The following PSMD4 variants were observed in gnomAD, a reference collection of about 807,000 sequenced individuals.
PSMD4 encodes 26S proteasome non-ATPase regulatory subunit 4.
A neutral mutation model predicts 39.7 loss-of-function variants in PSMD4; 5 were observed. That is an observed-to-expected ratio of 0.13 (90% CI 0.07 to 0.26). The LOEUF is 0.26. Among genes scored for constraint, PSMD4 ranks in the 10% least tolerant of loss-of-function variants. The pLI is 1.00. For missense variants in PSMD4, 272 were observed against 486.1 expected (o/e 0.56, Z 4.14); for synonymous variants, 143 against 174.6 (o/e 0.82, Z 1.43).
intron 1 of PSMD4, among the ~76,000 whole-genome samples, chr1:151,261,096 C>T (rs975696671): frequency 1.3e-5 from 2 of 151,918 alleles, no homozygotes; most frequent in African/African-American, 4.8e-5. Flanking sequence ...ATACACCCGC[C>T]TCCACCTCCC....
At chr1:151,262,024 C>A in intron 1 of PSMD4, 137 bp from the exon 2 acceptor site, 1 of 801,296 alleles carries the variant, frequency 1.2e-6, no homozygotes. Context: ...GCTTGATCAT[C>A]TGTATATTTA....
rs758465612 is a variant in PSMD4, at chr1:151,260,055, G to A, written c.27-2106G>A. Among the ~76,000 whole-genome samples the A allele has an allele frequency of 8.9e-4, 135 of 151,910 alleles. 1 individual carries two copies. Among genetic ancestry groups the A allele is most frequent in the African/African-American group, 1.2e-3 (49 of 41,360 alleles). On this transcript the variant is annotated intron_variant, in intron 1 of 9. Coordinates refer to ENST00000368884, the MANE Select transcript of PSMD4 (RefSeq NM_002810.4). ...CTCTACTAAAAATACAAAATTAGCC[G>A]GGTATGGTGGTTGCATGCCTGTTAT...
At chr1:151,265,352 G>A in intron 5 of PSMD4, 42 bp from the exon 6 acceptor site, 4 of 1,605,916 alleles carry the variant, frequency 2.5e-6, no homozygotes, top group African/African-American at 1.3e-5. Flanking sequence ...AGAACAGGGA[G>A]CAAGGCCTGA....
intron 1 of PSMD4, among the ~76,000 whole-genome samples, chr1:151,257,894 C>A (rs1023945057): frequency 6.6e-6 from 1 of 151,648 alleles, no homozygotes; most frequent in Non-Finnish European, 1.5e-5. Context: ...ATTGATTCTT[C>A]CTATTCATGA....
At chr1:151,263,328 G>A (rs896019726) in intron 2 of PSMD4, among the ~76,000 whole-genome samples, 2 of 152,062 alleles carry the variant, frequency 1.3e-5, no homozygotes, top group Admixed American at 6.5e-5. Flanking sequence ...GCCGGGCGTG[G>A]TGGTGTAGAT....
At chr1:151,260,498 C>T (rs187868933) in intron 1 of PSMD4, among the ~76,000 whole-genome samples, 4 of 152,192 alleles carry the variant, frequency 2.6e-5, no homozygotes, top group African/African-American at 9.6e-5. Context: ...GCTGTCAAAG[C>T]TGTTAAGCAT....
At chr1:151,266,463 C>G in intron 8 of PSMD4, 24 bp downstream of exon 8, 1 of 1,614,194 alleles carries the variant, frequency 6.2e-7, no homozygotes, top group Non-Finnish European at 8.5e-7. Flanking sequence ...TGGGTGGTGC[C>G]TAGGCAGAGG....
At position 151,267,348 on chromosome 1, in the gene PSMD4, G is replaced by T. The variant is rs753871087; in HGVS notation, c.*5G>T. ...AAGGAGGAAGACAAGAAGTGAGACT[G>T]GAGGGAAAGGGTAGCTGAGTCTGCT... is the stretch of plus-strand genomic sequence containing the variant. On this transcript the variant is annotated 3_prime_UTR_variant, in exon 10 of 10. Transcript: ENST00000368884. The T allele has an allele frequency of 5.6e-6, 9 of 1,613,644 alleles. No individual in the cohort carries two copies. Among genetic ancestry groups the T allele is most frequent in the Non-Finnish European group, 7.6e-6 (9 of 1,179,634 alleles).
chr1:151,254,759 G>A lies in PSMD4; in HGVS notation c.-24G>A. ...GTTGTTAGGCCGTCCCGGAGACCCG[G>A]TCGGGAGGGAGGAAGGTGGCAAGAT... On this transcript the variant is annotated 5_prime_UTR_variant, in exon 1 of 10. Transcript: ENST00000368884. The A allele has an allele frequency of 6.4e-7, 1 of 1,557,918 alleles. No homozygotes were observed. Among genetic ancestry groups the A allele is most frequent in the Non-Finnish European group, 8.7e-7 (1 of 1,152,008 alleles).
rs148029660 is a variant in PSMD4 at position 151,265,209 on chromosome 1, T to C, written c.413T>C (p.Val138Ala). The change falls in exon 5 of 10, where the codon GTT becomes GCT. Residue 138 changes from valine (V) to alanine (A), a missense_variant. By Grantham distance (64) the Val-to-Ala change is moderately conservative (BLOSUM62 0). Around this residue, in one of 3 missense-constraint regions of PSMD4, gnomAD observed 153 missense variants for 257.6 expected, o/e 0.59. Transcript: ENST00000368884. ...AKRLKKEKVN[V>A]DIINFGEEEV... ...CGCCTCAAGAAGGAGAAAGTAAATG[T>C]TGACATTATCAATTTTGGGGAAGAG... The C allele has an allele frequency of 1.9e-6, 3 of 1,613,604 alleles. No homozygotes were observed. The highest frequency in any genetic ancestry group is 1.1e-5 in the South Asian group (1 of 90,926).
rs1693458112 is a variant in PSMD4, at chr1:151,266,746, A to G, written c.963+159A>G. On this transcript the variant is annotated intron_variant, in intron 9 of 9. Coordinates refer to ENST00000368884, the MANE Select transcript of PSMD4 (RefSeq NM_002810.4). ...ACATGTAAACCTTGCTAAGGTAGCAATGCTAATGGTCAGAGTTGGAGAAAT... is the reference window on the plus strand; with the variant it reads ...ACATGTAAACCTTGCTAAGGTAGCAGTGCTAATGGTCAGAGTTGGAGAAAT... 9 of 932,664 alleles carry G rather than the reference A, an allele frequency of 9.6e-6. No individual in the cohort carries two copies. In the Admixed American group the frequency reaches 1.3e-4, roughly 13 times the overall value. The allele number at this position is 932,664 out of a possible 1,614,324, so 57.8% of individuals were successfully genotyped here.
At chr1:151,259,393 C>G (rs1043003662) in intron 1 of PSMD4, among the ~76,000 whole-genome samples, 6 of 152,054 alleles carry the variant, frequency 3.9e-5, no homozygotes, top group African/African-American at 1.5e-4. Flanking sequence ...ACTCAAAACT[C>G]AAAAACTTTC....
At chr1:151,256,459 A>G (rs1693173157) in intron 1 of PSMD4, among the ~76,000 whole-genome samples, 1 of 138,218 alleles carries the variant, frequency 7.2e-6, no homozygotes, top group Non-Finnish European at 1.5e-5. Flanking sequence ...TCTCTTTGAG[A>G]AGGAGTTTTG....
At position 151,260,714 on chromosome 1, in the gene PSMD4, T is replaced by C. The variant is rs193137721; in HGVS notation, c.27-1447T>C. ...CCACGCCCGGCTAACTTTTATATTT[T>C]TTAGTAGAGATAGGGTTTCACCATG... On this transcript the variant is annotated intron_variant, in intron 1 of 9. Transcript: ENST00000368884. 3.2e-3 allele frequency among the ~76,000 whole-genome samples: 489 copies of C among 152,190 alleles called. 4 individuals carry two copies. Among genetic ancestry groups the C allele is most frequent in the African/African-American group, 0.011 (467 of 41,506 alleles).
At chr1:151,261,954 CAAAAAAA>C (rs11370693) in intron 1 of PSMD4, among the ~76,000 whole-genome samples, 200 bp from the exon 2 acceptor site, 1 of 125,056 alleles carries the variant, frequency 8.0e-6, no homozygotes, top group South Asian at 2.7e-4. Context: ...GACCCTATCT[CAAAAAAA>C]AAAAAAAAAA....
intron 3 of PSMD4, 100 bp from the exon 4 acceptor site, chr1:151,264,732 C>A (rs1693390048): frequency 1.1e-6 from 1 of 899,818 alleles, no homozygotes. Context: ...TGGTGTACTT[C>A]AGGTACAAAG....
chr1:151,266,312 A>C lies in PSMD4; in HGVS notation c.768A>C (p.Ser256=). 6.2e-7 allele frequency: 1 copy of C among 1,614,214 alleles called. No individual in the cohort carries two copies. Among genetic ancestry groups the C allele is most frequent in the Non-Finnish European group, 8.5e-7 (1 of 1,180,046 alleles). The part of the protein sequence containing the change: ...AGIATTGTED[S]DDALLKMTIS... The stretch of plus-strand genomic sequence containing the variant: ...CTCCTCTTTTCCTTTTCCCAGACTC[A>C]GACGATGCCCTGCTGAAGATGACCA... Residue 256 remains serine, a synonymous_variant, in exon 8 of 10, where the codon TCA becomes TCC. Coordinates refer to ENST00000368884, the MANE Select transcript of PSMD4 (RefSeq NM_002810.4).
At chr1:151,264,720 G>A in intron 3 of PSMD4, 112 bp from the exon 4 acceptor site, 1 of 786,494 alleles carries the variant, frequency 1.3e-6, no homozygotes. Context: ...CGTGATGGTA[G>A]ATGGTGTACT....
intron 1 of PSMD4, among the ~76,000 whole-genome samples, chr1:151,256,319 G>A (rs1481899151): frequency 7.2e-6 from 1 of 138,818 alleles, no homozygotes; most frequent in Non-Finnish European, 1.5e-5. Context: ...ACTCTAGCCT[G>A]GGCGACAGAG....
Sources: allele counts gnomAD v4.1 joint callset (sites outside exome capture counted in the v4.1 genomes callset), GRCh38; gene constraint gnomAD v4.1.1; regional missense constraint gnomAD v4.1.1; transcripts MANE v1.5; gene names NCBI Gene and HGNC (gene_info 2026-07-23, HGNC 2026-07-21).